PRDM5: variants seen among roughly 807,000 people sequenced by gnomAD.
PRDM5 encodes the protein PR domain zinc finger protein 5.
A neutral mutation model predicts 81.2 loss-of-function variants in PRDM5; 56 were observed. The observed-to-expected ratio is 0.69, with a 90% confidence interval of 0.56 to 0.86. The LOEUF is 0.86. PRDM5 is among the 40% of genes least tolerant of loss of function. PRDM5 has a pLI of 0.00. For synonymous variants in PRDM5, 267 were observed against 256.4 expected (o/e 1.04, Z -0.39); for missense variants, 697 against 770.1 (o/e 0.91, Z 1.12).
rs116026637 is a variant in PRDM5, at chr4:120,710,405, C to A, written c.1632G>T (p.Pro544=). 2.5e-6 allele frequency: 4 copies of A among 1,613,800 alleles called. No homozygotes were observed. Among genetic ancestry groups the A allele is most frequent in the Non-Finnish European group, 3.4e-6 (4 of 1,179,946 alleles). ...CCTTGCTGCACTCTGAGCACTTGTA[C>A]GGCTTCTCCTGCAGTCAACAAAAAG... ...MHIRTHTREK[P]YKCSECSKAF... is the part of the protein sequence containing the mutation. Residue 544 remains proline (P), a synonymous_variant, in exon 15 of 16, where the codon CCG becomes CCT. Transcript: ENST00000264808.
chr4:120,709,770 C>A (rs909689519), intron 15 of PRDM5, among the ~76,000 whole-genome samples: 20 of 151,962 alleles, frequency 1.3e-4, no homozygotes. Flanking sequence ...GTATTTTTTT[C>A]CTTTCAGAAA....
intron 2 of PRDM5, among the ~76,000 whole-genome samples, chr4:120,854,561 C>A (rs72923505): frequency 0.023 from 3,432 of 152,210 alleles, 120 homozygotes; most frequent in African/African-American, 0.073. Context: ...TACATCTGAA[C>A]AATCATTTGT....
At chr4:120,840,823 T>TGGTTGGCATGATGGCAGC (rs1757947782) in intron 3 of PRDM5, among the ~76,000 whole-genome samples, 1 of 152,144 alleles carries the variant, frequency 6.6e-6, no homozygotes, top group Non-Finnish European at 1.5e-5. Context: ...CTCCCTGCAG[T>TGGTTGGCATGATGGCAGC]GGCTGGCATG....
intron 2 of PRDM5, among the ~76,000 whole-genome samples, chr4:120,872,174 A>G (rs1338197106): frequency 1.3e-4 from 19 of 141,386 alleles, no homozygotes; most frequent in Admixed American, 7.8e-4. Context: ...AAAAAAAAAA[A>G]CCTGTACAGA....
intron 5 of PRDM5, chr4:120,818,126 A>G (rs991872831): frequency 2.9e-5 from 15 of 510,104 alleles, no homozygotes; most frequent in African/African-American, 2.7e-4. Flanking sequence ...AACAGTGTTT[A>G]TGTGTTAAAA....
At chr4:120,715,014 T>C (rs764136237) in intron 14 of PRDM5, among the ~76,000 whole-genome samples, 14 of 152,172 alleles carry the variant, frequency 9.2e-5, no homozygotes, top group Non-Finnish European at 1.9e-4. Flanking sequence ...GCAGATTATG[T>C]CTAGTCCCCA....
intron 2 of PRDM5, among the ~76,000 whole-genome samples, chr4:120,880,072 C>T (rs533524733): frequency 1.3e-5 from 2 of 152,032 alleles, no homozygotes; most frequent in Admixed American, 6.6e-5. Context: ...GTGTACTGCA[C>T]TAATGTAAGA....
intron 2 of PRDM5, among the ~76,000 whole-genome samples, chr4:120,894,347 C>G (rs1764386314): frequency 6.6e-6 from 1 of 152,078 alleles, no homozygotes; most frequent in Non-Finnish European, 1.5e-5. Context: ...TGTCCAACAC[C>G]AACAATATGT....
intron 3 of PRDM5, among the ~76,000 whole-genome samples, chr4:120,841,091 T>C (rs961006592): frequency 3.3e-5 from 5 of 152,182 alleles, no homozygotes; most frequent in Non-Finnish European, 5.9e-5. Context: ...TTTTAAATCA[T>C]GTGAGATTTC....
At chr4:120,748,944 G>A (rs966305495) in intron 14 of PRDM5, among the ~76,000 whole-genome samples, 1 of 152,064 alleles carries the variant, frequency 6.6e-6, no homozygotes, top group Admixed American at 6.5e-5. Context: ...GGAGCTAACT[G>A]GACATGGAAT....
chr4:120,749,632 G>A (rs868868989), intron 14 of PRDM5, among the ~76,000 whole-genome samples: 1 of 152,188 alleles, frequency 6.6e-6, no homozygotes, highest in South Asian at 2.1e-4. Context: ...AGTGAGGAGG[G>A]AGACACCTGC....
At position 120,781,115 on chromosome 4, in the gene PRDM5, T is replaced by C. The variant is rs3761721; in HGVS notation, c.1443+28A>G. On this transcript the variant is annotated intron_variant, in intron 12 of 15. Transcript: ENST00000264808. ...CCATACTGCTTAAACACGTAATCTG[T>C]TCAAACTAACAGAAGACTTCCACTT... is the stretch of plus-strand genomic sequence containing the variant. 0.25 allele frequency: 396,088 copies of C among 1,594,188 alleles called. 52,605 individuals are homozygous for C. The highest frequency in any genetic ancestry group is 0.28 in the Non-Finnish European group (320,794 of 1,162,850).
intron 13 of PRDM5, among the ~76,000 whole-genome samples, chr4:120,761,293 C>T (rs1745568813): frequency 6.6e-6 from 1 of 152,182 alleles, no homozygotes; most frequent in South Asian, 2.1e-4. Context: ...GAACACCTTA[C>T]TTGACTTGAG....
chr4:120,703,590 T>C (rs1735686734), intron 15 of PRDM5, among the ~76,000 whole-genome samples: 1 of 152,158 alleles, frequency 6.6e-6, no homozygotes, highest in Non-Finnish European at 1.5e-5. Context: ...GCACAGGGCC[T>C]AGGCTTAACT....
intron 13 of PRDM5, among the ~76,000 whole-genome samples, chr4:120,755,592 CA>C (rs1744617074): frequency 6.6e-6 from 1 of 152,182 alleles, no homozygotes; most frequent in South Asian, 2.1e-4. Context: ...GATCTTAATT[CA>C]ATCTGGATAT....
chr4:120,807,778 G>A (rs147444472), intron 8 of PRDM5, among the ~76,000 whole-genome samples: 1 of 150,886 alleles, frequency 6.6e-6, no homozygotes, highest in African/African-American at 2.4e-5. Context: ...CTGGCTTCAG[G>A]AGTGAAGCTG....
At chr4:120,699,971 A>ATAAATAAATAAATAGC (rs56034122) in intron 15 of PRDM5, among the ~76,000 whole-genome samples, 1 of 151,956 alleles carries the variant, frequency 6.6e-6, no homozygotes, top group Non-Finnish European at 1.5e-5. Flanking sequence ...AAATAAATAA[A>ATAAATAAATAAATAGC]AAGCCCAAAT....
intron 14 of PRDM5, among the ~76,000 whole-genome samples, chr4:120,739,376 A>G (rs1741572625): frequency 6.6e-6 from 1 of 152,200 alleles, no homozygotes; most frequent in Non-Finnish European, 1.5e-5. Context: ...TTACTACACC[A>G]TTATTCCAAC....
chr4:120,809,063 G>A (rs938752111), intron 8 of PRDM5, among the ~76,000 whole-genome samples: 1 of 152,226 alleles, frequency 6.6e-6, no homozygotes. Context: ...CAGAGCGGGC[G>A]CCAAGGGCCG....
Sources: gnomAD v4.1 joint callset for allele counts (sites outside exome capture counted in the v4.1 genomes callset) on GRCh38, gnomAD v4.1.1 for gene constraint, MANE v1.5 for transcripts, NCBI Gene and HGNC (gene_info 2026-07-23, HGNC 2026-07-21) for gene names.